Variants in LHX2 observed in about 807,000 individuals in gnomAD.
The protein encoded by LHX2 is LIM homeobox 2.
In LHX2, 6 loss-of-function variants were observed where a neutral mutation model predicts 33.0. The ratio of observed to expected loss-of-function variants is 0.18; its 90% CI spans 0.10 to 0.36. The LOEUF (loss-of-function observed/expected upper bound fraction) is 0.36. Among genes scored for constraint, LHX2 ranks in the 10% least tolerant of loss-of-function variants. LHX2 has a pLI of 1.00. For missense variants in LHX2, 442 were observed against 586.2 expected (o/e 0.75, Z 2.54); for synonymous variants, 292 against 253.1 (o/e 1.15, Z -1.46).
Position 124,012,514 on chromosome 9 carries a change from C to T in LHX2, c.120+46C>T. ...TCGGGGCTGAGAGCTGGGATGGGGC[C>T]GGGCCAGTCAGCGCCTCTGCTCCCC... On this transcript the variant is annotated intron_variant, in intron 1 of 4. Transcript: ENST00000373615. The surrounding 1 kb of genome is among the most constrained non-coding windows in gnomAD (Gnocchi z 4.3). 1 of 1,472,932 alleles carries T rather than the reference C, an allele frequency of 6.8e-7. No homozygotes were observed. Among genetic ancestry groups the T allele is most frequent in the Non-Finnish European group, 9.0e-7 (1 of 1,114,340 alleles). 91.2% of individuals were successfully genotyped at this position (1,472,932 alleles called of 1,614,324 possible).
Position 124,015,648 on chromosome 9 carries a change from C to A in LHX2, c.727+123C>A. 1 of 1,130,824 alleles carries A rather than the reference C, an allele frequency of 8.8e-7. No homozygotes were observed. The highest frequency in any genetic ancestry group is 1.2e-6 in the Non-Finnish European group (1 of 829,656). 70.0% of individuals were successfully genotyped at this position (1,130,824 alleles called of 1,614,324 possible). A position where few individuals can be genotyped will look rare whatever the true frequency, so the allele number is the denominator to read the frequency against. ...TAGCGAGCCTTAAGCACCGGACGGC[C>A]TCGCAGAAGGGACATTAGCCCCCTG... On this transcript the variant is annotated intron_variant, in intron 3 of 4. Coordinates refer to ENST00000373615, the MANE Select transcript of LHX2 (RefSeq NM_004789.4). The surrounding 1 kb of genome is among the most constrained non-coding windows in gnomAD (Gnocchi z 7.9).
intron 3 of LHX2, among the ~76,000 whole-genome samples, chr9:124,019,555 C>T (rs1423429175): frequency 6.6e-6 from 1 of 152,196 alleles, no homozygotes; most frequent in African/African-American, 2.4e-5. Context: ...AATTTTTTAG[C>T]ATAGCTGTGT....
At chr9:124,018,120 C>G (rs1006319119) in intron 3 of LHX2, among the ~76,000 whole-genome samples, 5 of 152,088 alleles carry the variant, frequency 3.3e-5, no homozygotes, top group Admixed American at 6.5e-5. Flanking sequence ...CCTACAATCT[C>G]GTCTTTAGTA....
chr9:124,017,268 C>T (rs1199606554), intron 3 of LHX2, among the ~76,000 whole-genome samples: 1 of 152,138 alleles, frequency 6.6e-6, no homozygotes, highest in Non-Finnish European at 1.5e-5. Context: ...TGTTTGTTCC[C>T]GTGCCCTCCT....
At chr9:124,028,267 T>C (rs1361088110) in intron 4 of LHX2, among the ~76,000 whole-genome samples, 1 of 152,114 alleles carries the variant, frequency 6.6e-6, no homozygotes, top group Non-Finnish European at 1.5e-5. Flanking sequence ...CCAGGGCTTA[T>C]TGGAGATCTA....
At chr9:124,027,904 T>G (rs960064249) in intron 4 of LHX2, among the ~76,000 whole-genome samples, 1 of 148,312 alleles carries the variant, frequency 6.7e-6, no homozygotes, top group African/African-American at 2.6e-5. Context: ...AAGGCATAGT[T>G]TTTTTTTATC....
rs902246943 is a variant in LHX2 at position 124,014,984 on chromosome 9, C to A, written c.324-138C>A. 1 of 895,846 alleles carries A rather than the reference C, an allele frequency of 1.1e-6. No individual in the cohort carries two copies. Among genetic ancestry groups the A allele is most frequent in the African/African-American group, 1.7e-5 (1 of 59,624 alleles). The allele number at this position is 895,846 out of a possible 1,614,324, so 55.5% of individuals were successfully genotyped here. On this transcript the variant is annotated intron_variant, in intron 2 of 4. Coordinates refer to ENST00000373615, the MANE Select transcript of LHX2 (RefSeq NM_004789.4). The surrounding 1 kb of genome is among the most constrained non-coding windows in gnomAD (Gnocchi z 4.8). ...GGGTCAAAATCTAGTTCTCTCTCCCCCCCATCCTCCAAATAAAGGCCGGGT... is the reference window on the plus strand; with the variant it reads ...GGGTCAAAATCTAGTTCTCTCTCCCACCCATCCTCCAAATAAAGGCCGGGT...
At chr9:124,030,753 T>A (rs1361602835) in intron 4 of LHX2, among the ~76,000 whole-genome samples, 2 of 149,264 alleles carry the variant, frequency 1.3e-5, no homozygotes, top group Non-Finnish European at 3.0e-5. Context: ...TGTCTCAGCC[T>A]CCCGAGTAGC....
intron 4 of LHX2, chr9:124,031,884 G>A (rs1460049970): frequency 1.3e-5 from 2 of 152,236 alleles, no homozygotes; most frequent in African/African-American, 4.8e-5. Context: ...CTATCAGAAA[G>A]AGAAGCCCAG....
intron 4 of LHX2, among the ~76,000 whole-genome samples, chr9:124,024,149 A>G (rs1387472584): frequency 1.3e-5 from 2 of 152,234 alleles, no homozygotes; most frequent in Non-Finnish European, 2.9e-5. Context: ...GGGGTGGGGC[A>G]TACGTGTAGC....
In LHX2 at chr9:124,012,325, C is replaced by G. The variant is rs760154535; in HGVS notation, c.-24C>G. 1 of 1,485,918 alleles carries G rather than the reference C, an allele frequency of 6.7e-7. No homozygotes were observed. Among genetic ancestry groups the G allele is most frequent in the Non-Finnish European group, 8.9e-7 (1 of 1,123,678 alleles). 92.0% of individuals were successfully genotyped at this position (1,485,918 alleles called of 1,614,324 possible). On this transcript the variant is annotated 5_prime_UTR_variant, in exon 1 of 5. Coordinates refer to ENST00000373615, the MANE Select transcript of LHX2 (RefSeq NM_004789.4). The surrounding 1 kb of genome is among the most constrained non-coding windows in gnomAD (Gnocchi z 4.3). ...AGCCCTCCCTCGGAGGAGCCGCGCC[C>G]CCGGCCCCGCCGGTCCCGCCGCGAT... is the stretch of plus-strand genomic sequence containing the variant.
chr9:124,015,040 C>A lies in LHX2; in HGVS notation c.324-82C>A, dbSNP rs1588345349. The stretch of plus-strand genomic sequence containing the variant: ...GTCTTGAGGAGGGGATTGCCCCCCG[C>A]AGCAGCAGCGGCACCTGGAGGAGGA... On this transcript the variant is annotated intron_variant, in intron 2 of 4. Transcript: ENST00000373615. The surrounding 1 kb of genome is among the most constrained non-coding windows in gnomAD (Gnocchi z 7.9). 1 of 1,524,838 alleles carries A rather than the reference C, an allele frequency of 6.6e-7. No homozygotes were observed. Among genetic ancestry groups the A allele is most frequent in the South Asian group, 1.2e-5 (1 of 83,746 alleles). The allele number at this position is 1,524,838 out of a possible 1,614,324, so 94.5% of individuals were successfully genotyped here.
chr9:124,012,336 C>A lies in LHX2; in HGVS notation c.-13C>A. The A allele has an allele frequency of 6.7e-7, 1 of 1,491,454 alleles. No homozygotes were observed. 92.4% of individuals were successfully genotyped at this position (1,491,454 alleles called of 1,614,324 possible). A position where few individuals can be genotyped will look rare whatever the true frequency, so the allele number is the denominator to read the frequency against. ...GGAGGAGCCGCGCCCCCGGCCCCGC[C>A]GGTCCCGCCGCGATGCTGTTCCACA... On this transcript the variant is annotated 5_prime_UTR_variant, in exon 1 of 5. Coordinates refer to ENST00000373615, the MANE Select transcript of LHX2 (RefSeq NM_004789.4). This position sits in a 1 kb window ranked among gnomAD's most constrained non-coding sequence, Gnocchi z 4.3.
Position 124,013,495 on chromosome 9 carries a change from T to C in LHX2, c.121-466T>C, listed in dbSNP as rs369016696. On this transcript the variant is annotated intron_variant, in intron 1 of 4. Transcript: ENST00000373615. ...CTAAGGATCCAGGGATCACTGGAGC[T>C]GGGGCCCAGGAACTCCGCTGTCTCT... Among the ~76,000 whole-genome samples the C allele has an allele frequency of 5.9e-5, 9 of 152,338 alleles. No homozygotes were observed. In the South Asian group the frequency reaches 1.9e-3, roughly 32 times the overall value.
intron 4 of LHX2, among the ~76,000 whole-genome samples, chr9:124,026,402 A>C (rs1389722568): frequency 6.6e-6 from 1 of 151,614 alleles, no homozygotes; most frequent in Non-Finnish European, 1.5e-5. Flanking sequence ...TGGAGGTTGC[A>C]GTGAGCCAAG....
Position 124,032,501 on chromosome 9 carries a change from G to A in LHX2, c.1015G>A (p.Ala339Thr), listed in dbSNP as rs1177285065. 4.3e-6 allele frequency: 7 copies of A among 1,613,016 alleles called. No homozygotes were observed. Among genetic ancestry groups the A allele is most frequent in the South Asian group, 2.2e-5 (2 of 91,062 alleles). The stretch of plus-strand genomic sequence containing the variant: ...CACGGGCGTGGACAAGTCGACAGAC[G>A]CGGCGCTGCAGACAGGGACGCCATC... ...ENTGVDKSTD[A>T]ALQTGTPSGP... Residue 339 changes from alanine (A) to threonine (T), a missense_variant, in exon 5 of 5, where the codon GCG becomes ACG. By Grantham distance (58) the Ala-to-Thr change is moderately conservative. This residue lies in a region of LHX2 where 109 missense variants were observed against 98.7 expected (regional missense o/e 1.10). Coordinates refer to ENST00000373615, the MANE Select transcript of LHX2 (RefSeq NM_004789.4). This position sits in a 1 kb window ranked among gnomAD's most constrained non-coding sequence, Gnocchi z 4.1.
At position 124,016,779 on chromosome 9, in the gene LHX2, GC is replaced by G. The variant is rs1362234854; in HGVS notation, c.727+1255del. Among the ~76,000 whole-genome samples the G allele has an allele frequency of 6.6e-6, 1 of 152,058 alleles. No homozygotes were observed. Among genetic ancestry groups the G allele is most frequent in the East Asian group, 1.9e-4 (1 of 5,170 alleles). Reference sequence around the variant, plus strand: ...AAGCAGCGGTAGGCCGGTCGGTGGCGCGGATTTAAGATTTGCTGAAGGCACT... The same window carrying G: ...AAGCAGCGGTAGGCCGGTCGGTGGCGGGATTTAAGATTTGCTGAAGGCACT... On this transcript the variant is annotated intron_variant, in intron 3 of 4. Transcript: ENST00000373615. The surrounding 1 kb of genome is among the most constrained non-coding windows in gnomAD (Gnocchi z 4.4).
intron 4 of LHX2, among the ~76,000 whole-genome samples, chr9:124,029,265 A>T (rs1828676385): frequency 6.6e-6 from 1 of 152,216 alleles, no homozygotes; most frequent in Non-Finnish European, 1.5e-5. Context: ...TAAAAGGTAC[A>T]TACATGTCAG....
In LHX2 at chr9:124,032,808, C is replaced by T. The variant is rs1828719379; in HGVS notation, c.*101C>T. The T allele has an allele frequency of 2.3e-6, 3 of 1,314,542 alleles. No homozygotes were observed. The South Asian group carries it at 4.6e-5, about 20-fold the overall frequency. 81.4% of individuals were successfully genotyped at this position (1,314,542 alleles called of 1,614,324 possible). A position where few individuals can be genotyped will look rare whatever the true frequency, so the allele number is the denominator to read the frequency against. ...ATAGAGGCTTTGAGCAACTAACTAA[C>T]CACATTTTAGGATCTCGCCTGGAAA... On this transcript the variant is annotated 3_prime_UTR_variant, in exon 5 of 5. Transcript: ENST00000373615. This position sits in a 1 kb window ranked among gnomAD's most constrained non-coding sequence, Gnocchi z 4.1.
Sources: gnomAD v4.1 joint callset for allele counts (sites outside exome capture counted in the v4.1 genomes callset) on GRCh38, gnomAD v4.1.1 for gene constraint, gnomAD v4.1.1 regional missense constraint, Gnocchi (gnomAD v3.1) non-coding constraint, MANE v1.5 for transcripts, NCBI Gene and HGNC (gene_info 2026-07-23, HGNC 2026-07-21) for gene names.